HLA-DQA1: variants seen among roughly 807,000 people sequenced by gnomAD.
The protein encoded by HLA-DQA1 is major histocompatibility complex, class II, DQ alpha 1.
HLA-DQA1 carries 10 observed loss-of-function variants against 20.7 expected under a neutral mutation model. That is an observed-to-expected ratio of 0.48 (90% CI 0.30 to 0.82). The LOEUF is 0.82. Ranked by LOEUF, HLA-DQA1 falls within the 40% of genes least tolerant of loss-of-function variation. HLA-DQA1 has a pLI of 0.07. For missense variants in HLA-DQA1, 127 were observed against 293.0 expected (o/e 0.43, Z 4.14); for synonymous variants, 39 against 109.2 (o/e 0.36, Z 4.01).
At chr6:32,651,132 C>A (rs78819516), downstream of HLA-DQA1, among the ~76,000 whole-genome samples, 12,962 of 81,958 alleles carry the variant, frequency 0.16, 4,659 homozygotes, top group South Asian at 0.4. Flanking sequence ...TCGTGGTCTC[C>A]CTGCTCGGCC....
chr6:32,652,023 T>A (rs1460971438), downstream of HLA-DQA1, among the ~76,000 whole-genome samples: 1 of 95,878 alleles, frequency 1.0e-5, no homozygotes, highest in Non-Finnish European at 2.3e-5. Context: ...CCTGGCACGG[T>A]GGCTCACGCC....
At chr6:32,642,553 A>T (rs28383467) in intron 3 of HLA-DQA1, 57 bp from the exon 4 acceptor site, 167,867 of 1,315,160 alleles carry the variant, frequency 0.13, 19,627 homozygotes, top group South Asian at 0.14. Context: ...ATCCCATCCC[A>T]CACACATGCA....
chr6:32,644,107 G>C (rs1781712979), downstream of HLA-DQA1: 1 of 151,968 alleles, frequency 6.6e-6, no homozygotes. Flanking sequence ...GAGCTTATGA[G>C]AGAAACCCTA....
At chr6:32,652,645 G>T in the HLA-DQA1 span, among the ~76,000 whole-genome samples, 59,198 of 135,850 alleles carry the variant, frequency 0.44, 14,012 homozygotes, top group Middle Eastern at 0.54. Context: ...ATGTCAAAAT[G>T]GTCAGCTTTG....
chr6:32,639,542 C>A (rs74403476), intron 1 of HLA-DQA1: 1 of 96,788 alleles, frequency 1.0e-5, no homozygotes, highest in South Asian at 3.1e-4. Flanking sequence ...TGTTTGAGCA[C>A]ACAGTGAGCT....
downstream of HLA-DQA1, chr6:32,645,737 A>G (rs895805472): frequency 3.6e-5 from 2 of 55,342 alleles, 1 homozygote; most frequent in African/African-American, 1.2e-4. Context: ...TAGTATGAAA[A>G]ACAGTCACAT....
At chr6:32,647,593 T>G (rs1263666967), downstream of HLA-DQA1, among the ~76,000 whole-genome samples, 6 of 152,270 alleles carry the variant, frequency 3.9e-5, no homozygotes, top group Admixed American at 3.3e-4. Context: ...AGAGAAGCAT[T>G]CTGTTTGAAG....
chr6:32,648,116 C>T (rs934571582), downstream of HLA-DQA1, among the ~76,000 whole-genome samples: 1 of 115,464 alleles, frequency 8.7e-6, no homozygotes, highest in African/African-American at 3.1e-5. Flanking sequence ...AGATGGTATA[C>T]AGTAGGTAAA....
At chr6:32,651,588 C>CAACAAAAAAAAAAAAAAAA (rs1782191171), downstream of HLA-DQA1, among the ~76,000 whole-genome samples, 1 of 15,294 alleles carries the variant, frequency 6.5e-5, no homozygotes, top group Non-Finnish European at 1.3e-4. Context: ...CGTCTCAAAG[C>CAACAAAAAAAAAAAAAAAA]AAAAAAAAAA....
At position 32,640,492 on chromosome 6, in the gene HLA-DQA1, G is replaced by A. The variant is rs41269955; in HGVS notation, c.83-818G>A. On this transcript the variant is annotated intron_variant, in intron 1 of 4. Transcript: ENST00000343139. The stretch of plus-strand genomic sequence containing the variant: ...CCTCAGACAAGCACACTGCCCATTA[G>A]AGGAAAAAGTGTGATATAAGTGTTG... 8.3e-3 allele frequency among the ~76,000 whole-genome samples: 450 copies of A among 54,334 alleles called. 7 individuals carry two copies. Among genetic ancestry groups the A allele is most frequent in the East Asian group, 0.047 (91 of 1,920 alleles). The allele number at this position is 54,334 out of a possible 152,430, so 35.6% of individuals were successfully genotyped here. A position where few individuals can be genotyped will look rare whatever the true frequency, so the allele number is the denominator to read the frequency against.
At chr6:32,644,433 A>G (rs1272669055), downstream of HLA-DQA1, 2 of 152,254 alleles carry the variant, frequency 1.3e-5, no homozygotes, top group African/African-American at 4.8e-5. Context: ...AAATGTGTGA[A>G]GTCTCTAACA....
rs1047992 is a variant in HLA-DQA1, at chr6:32,637,489, G to A, written c.31G>A (p.Ala11Thr). The change falls in exon 1 of 5, where the codon GCC becomes ACC. Residue 11 changes from alanine to threonine, a missense_variant. Ala to Thr is a moderately conservative substitution (Grantham distance 58, BLOSUM62 0). Coordinates refer to ENST00000343139, the MANE Select transcript of HLA-DQA1 (RefSeq NM_002122.5). Reference sequence around the variant, plus strand: ...CCTAAACAAAGCTCTGCTGCTGGGGGCCCTCGCTCTGACCACCGTGATGAG... The same window carrying A: ...CCTAAACAAAGCTCTGCTGCTGGGGACCCTCGCTCTGACCACCGTGATGAG... MILNKALLLG[A>T]LALTTVMSPC... 5,961 of 1,152,704 alleles carry A rather than the reference G, an allele frequency of 5.2e-3. 520 individuals are homozygous for A. The highest frequency in any genetic ancestry group is 0.023 in the Admixed American group (927 of 40,394). 71.4% of individuals were successfully genotyped at this position (1,152,704 alleles called of 1,614,324 possible). A position where few individuals can be genotyped will look rare whatever the true frequency, so the allele number is the denominator to read the frequency against.
downstream of HLA-DQA1, chr6:32,644,704 A>T (rs186280609): frequency 1.6e-3 from 200 of 124,602 alleles, 13 homozygotes; most frequent in African/African-American, 4.5e-3. Flanking sequence ...ATTTCTTTTC[A>T]TATGATAATT....
Position 32,641,974 on chromosome 6 carries a change from G to C in HLA-DQA1, c.334G>C (p.Val112Leu). ...RYNSTAATNE[V>L]PEVTVFSKSP... ...CCAGTGCTGTTTCCTCACCACAGAG[G>C]TTCCTGAGGTCACAGTGTTTTCCAA... Residue 112 changes from valine (V) to leucine (L), a missense_variant and splice_region_variant, in exon 3 of 5, where the codon GTT becomes CTT. Transcript: ENST00000343139. The C allele has an allele frequency of 6.5e-7, 1 of 1,545,208 alleles. No individual in the cohort carries two copies. Among genetic ancestry groups the C allele is most frequent in the Non-Finnish European group, 8.7e-7 (1 of 1,148,340 alleles).
In HLA-DQA1 at chr6:32,638,438, G is replaced by A. The variant is rs140467491; in HGVS notation, c.82+898G>A. ...TGTAATCCCAGCACTTTGGGAGGCC[G>A]AGGCAGGAGGATCATTTGAGCCTGG... On this transcript the variant is annotated intron_variant, in intron 1 of 4. Coordinates refer to ENST00000343139, the MANE Select transcript of HLA-DQA1 (RefSeq NM_002122.5). Among the ~76,000 whole-genome samples, 662 of 111,722 alleles carry A rather than the reference G, an allele frequency of 5.9e-3. 97 individuals are homozygous for A. The East Asian group carries it at 0.091, about 15-fold the overall frequency. The allele number at this position is 111,722 out of a possible 152,430, so 73.3% of individuals were successfully genotyped here. A position where few individuals can be genotyped will look rare whatever the true frequency, so the allele number is the denominator to read the frequency against.
the HLA-DQA1 span, among the ~76,000 whole-genome samples, chr6:32,655,010 G>A: frequency 7.0e-5 from 2 of 28,474 alleles, 1 homozygote; most frequent in Non-Finnish European, 1.6e-4. Flanking sequence ...TCCAGTCTAA[G>A]TGACAGAGCA....
chr6:32,652,754 T>TCCC, the HLA-DQA1 span, among the ~76,000 whole-genome samples: 960 of 145,664 alleles, frequency 6.6e-3, 37 homozygotes, highest in East Asian at 0.094. Context: ...TTTCATCTTC[T>TCCC]AAGACGGAGG....
chr6:32,639,511 G>A lies in HLA-DQA1; in HGVS notation c.83-1799G>A, dbSNP rs28383381. The A allele has an allele frequency of 6.0e-3, 519 of 86,506 alleles. 90 individuals are homozygous for A. Among genetic ancestry groups the A allele is most frequent in the Middle Eastern group, 0.037 (5 of 134 alleles). 5.4% of individuals were successfully genotyped at this position (86,506 alleles called of 1,614,324 possible). Reference sequence around the variant, plus strand: ...AAAATCTATGTGGTCCTCGAATATAGCAACTGTCATTCAATACACATGTTT... The same window carrying A: ...AAAATCTATGTGGTCCTCGAATATAACAACTGTCATTCAATACACATGTTT... On this transcript the variant is annotated intron_variant, in intron 1 of 4. Transcript: ENST00000343139.
intron 2 of HLA-DQA1, 24 bp from the exon 3 acceptor site, chr6:32,641,948 A>T (rs1356539035): frequency 1.4e-6 from 2 of 1,398,224 alleles, no homozygotes. Context: ...CACACTTCAC[A>T]CCAGTGCTGT....
Sources: allele counts gnomAD v4.1 joint callset (sites outside exome capture counted in the v4.1 genomes callset), GRCh38; gene constraint gnomAD v4.1.1; transcripts MANE v1.5; gene names NCBI Gene and HGNC (gene_info 2026-07-23, HGNC 2026-07-21).